NRXN2: variants seen among roughly 807,000 people sequenced by gnomAD.
The protein encoded by NRXN2 is neurexin 2, also known as neurexin-2-beta.
Under a neutral mutation model 128.8 loss-of-function variants are expected in NRXN2, and 29 were observed. The observed-to-expected ratio is 0.23, with a 90% confidence interval of 0.17 to 0.31. The LOEUF (loss-of-function observed/expected upper bound fraction) is 0.31, where lower values mean the gene tolerates loss of function less well. Among genes scored for constraint, NRXN2 ranks in the 10% least tolerant of loss-of-function variants. The pLI, the probability that NRXN2 is intolerant of heterozygous loss-of-function variation, is 1.00. For missense variants in NRXN2, 1,881 were observed against 2,452.6 expected (o/e 0.77, Z 4.92); for synonymous variants, 1,098 against 1,075.2 (o/e 1.02, Z -0.41).
intron 5 of NRXN2, among the ~76,000 whole-genome samples, chr11:64,687,332 T>G (rs1592119026): frequency 6.6e-6 from 1 of 151,692 alleles, no homozygotes; most frequent in South Asian, 2.1e-4. Context: ...AGTTTCGGAG[T>G]GCAGATTCTG....
chr11:64,700,541 G>A (rs750287701), intron 2 of NRXN2, among the ~76,000 whole-genome samples: 1 of 151,990 alleles, frequency 6.6e-6, no homozygotes, highest in African/African-American at 2.4e-5. Context: ...GTTATCTATC[G>A]ACTCTGTACA....
chr11:64,720,819 G>A (rs58483071), intron 1 of NRXN2, among the ~76,000 whole-genome samples: 23,985 of 152,082 alleles, frequency 0.16, 2,311 homozygotes, highest in East Asian at 0.35. Context: ...CACATGCTGT[G>A]TAGACCTGGG....
At chr11:64,681,109 A>AAAAAT (rs2052195344) in intron 6 of NRXN2, among the ~76,000 whole-genome samples, 1 of 148,878 alleles carries the variant, frequency 6.7e-6, no homozygotes, top group Non-Finnish European at 1.5e-5. Flanking sequence ...AAAAAAAAAA[A>AAAAAT]AAAAAGTAAA....
At chr11:64,615,954 G>C (rs2041440372) in intron 22 of NRXN2, among the ~76,000 whole-genome samples, 1 of 152,114 alleles carries the variant, frequency 6.6e-6, no homozygotes, top group African/African-American at 2.4e-5. Context: ...CTGTGAGTGT[G>C]AACCAGTATG....
chr11:64,676,570 AC>A, intron 7 of NRXN2: 1 of 202,042 alleles, frequency 4.9e-6, no homozygotes, highest in South Asian at 9.7e-5. Flanking sequence ...TTTTCAGGAG[AC>A]CAAGAAACTA....
rs756988907 is a variant in NRXN2 at position 64,650,625 on chromosome 11, C to T, written c.2932G>A (p.Val978Met). Residue 978 changes from valine (V) to methionine (M), a missense_variant, in exon 15 of 23, where the codon GTG becomes ATG. Transcript: ENST00000265459. ...IELVKGYIHY[V>M]FDLGNGPSLM... is the part of the protein sequence containing the mutation. ...GACGGGCCATTCCCCAGGTCAAACA[C>T]GTAGTGGATGTACCTGCCCCACAGT... is the stretch of plus-strand genomic sequence containing the variant. The T allele has an allele frequency of 3.1e-6, 5 of 1,613,908 alleles. No individual in the cohort carries two copies. Among genetic ancestry groups the T allele is most frequent in the Non-Finnish European group, 3.4e-6 (4 of 1,180,020 alleles).
rs568618223 is a variant in NRXN2, at chr11:64,631,522, C to T, written c.3586-949G>A. Reference sequence around the variant, plus strand: ...TGCCAGGCCCTGAGTGGGTACTGTACACGCATGCTCTCTTCCCTACACCAA... The same window carrying T: ...TGCCAGGCCCTGAGTGGGTACTGTATACGCATGCTCTCTTCCCTACACCAA... On this transcript the variant is annotated intron_variant, in intron 18 of 22. Coordinates refer to ENST00000265459, the MANE Select transcript of NRXN2 (RefSeq NM_015080.4). The surrounding 1 kb of genome is among the most constrained non-coding windows in gnomAD (Gnocchi z 4.8). Among the ~76,000 whole-genome samples, 24 of 152,136 alleles carry T rather than the reference C, an allele frequency of 1.6e-4. 1 individual carries two copies. The South Asian group carries it at 4.6e-3, about 29-fold the overall frequency.
At chr11:64,643,267 C>T (rs1057371295) in intron 17 of NRXN2, 2 of 975,788 alleles carry the variant, frequency 2.0e-6, no homozygotes, top group African/African-American at 1.9e-5. Flanking sequence ...CTGGTTCCCC[C>T]GAAGGCGGGA....
intron 22 of NRXN2, among the ~76,000 whole-genome samples, chr11:64,611,740 A>C (rs1349386595): frequency 6.6e-6 from 1 of 151,096 alleles, no homozygotes; most frequent in Non-Finnish European, 1.5e-5. Flanking sequence ...GCCTGCTCAC[A>C]TTGACCTCTT....
chr11:64,716,833 G>A (rs1301119952), intron 1 of NRXN2, among the ~76,000 whole-genome samples: 1 of 152,140 alleles, frequency 6.6e-6, no homozygotes, highest in Non-Finnish European at 1.5e-5. Context: ...ACGCTTGCCA[G>A]GTAGAGATGG....
chr11:64,606,260 A>G lies in NRXN2; in HGVS notation c.*936T>C, dbSNP rs1442834640. 6.6e-6 allele frequency: 1 copy of G among 152,540 alleles called. No individual in the cohort carries two copies. Among genetic ancestry groups the G allele is most frequent in the Non-Finnish European group, 1.5e-5 (1 of 68,036 alleles). 9.4% of individuals were successfully genotyped at this position (152,540 alleles called of 1,614,324 possible). On this transcript the variant is annotated 3_prime_UTR_variant, in exon 23 of 23. Transcript: ENST00000265459. ...CAAGACTCAGACACATTTGTTAACAAAGAGAGAAAAAAAACTGGGGGAGCA... is the reference window on the plus strand; with the variant it reads ...CAAGACTCAGACACATTTGTTAACAGAGAGAGAAAAAAAACTGGGGGAGCA...
intron 1 of NRXN2, among the ~76,000 whole-genome samples, chr11:64,720,883 A>G (rs1371207790): frequency 6.6e-6 from 1 of 152,032 alleles, no homozygotes; most frequent in East Asian, 1.9e-4. Context: ...AAGGTGTATG[A>G]GGAAGAAGCA....
At chr11:64,625,737 A>T (rs556607067) in intron 20 of NRXN2, among the ~76,000 whole-genome samples, 95 of 152,160 alleles carry the variant, frequency 6.2e-4, no homozygotes, top group Middle Eastern at 3.4e-3. Flanking sequence ...ACACCCAGCG[A>T]CACCTCACCA....
Position 64,648,226 on chromosome 11 carries a change from G to A in NRXN2, c.3396C>T (p.Cys1132=). The stretch of plus-strand genomic sequence containing the variant: ...GCCCTCCCAGGCACTCACGATCATT[G>A]CAGACAGGGCCTCCATAGGAAGTCA... ...CTMTSYGGPV[C]NDPGTTYIFG... is the part of the protein sequence containing the mutation. Residue 1132 remains cysteine (C), a synonymous_variant, in exon 17 of 23, where the codon TGC becomes TGT. Coordinates refer to ENST00000265459, the MANE Select transcript of NRXN2 (RefSeq NM_015080.4). The surrounding 1 kb of genome is among the most constrained non-coding windows in gnomAD (Gnocchi z 4.1). 3.1e-6 allele frequency: 5 copies of A among 1,614,174 alleles called. No homozygotes were observed. Among genetic ancestry groups the A allele is most frequent in the Non-Finnish European group, 4.2e-6 (5 of 1,180,036 alleles).
At chr11:64,722,484 G>A (rs566665850) in intron 1 of NRXN2, among the ~76,000 whole-genome samples, 3 of 151,568 alleles carry the variant, frequency 2.0e-5, no homozygotes, top group African/African-American at 7.3e-5. Context: ...CCCTCAGGAC[G>A]AAGCCCTTGG....
intron 2 of NRXN2, among the ~76,000 whole-genome samples, chr11:64,712,133 C>T (rs1216558740): frequency 6.6e-6 from 1 of 152,178 alleles, no homozygotes; most frequent in Non-Finnish European, 1.5e-5. Flanking sequence ...CTCGTAGGCC[C>T]TGCCCACACT....
Position 64,651,665 on chromosome 11 carries a change from G to A in NRXN2, c.2537-29C>T. 1 of 1,611,918 alleles carries A rather than the reference G, an allele frequency of 6.2e-7. No individual in the cohort carries two copies. On this transcript the variant is annotated intron_variant, in intron 13 of 22. Coordinates refer to ENST00000265459, the MANE Select transcript of NRXN2 (RefSeq NM_015080.4). The surrounding 1 kb of genome is among the most constrained non-coding windows in gnomAD (Gnocchi z 5.9). ...CTCAGGACAGGAGACCAAGATGAGG[G>A]GGATGGCTTTGGGGCAGGGCTGGGG...
In NRXN2 at chr11:64,635,247, A is replaced by C. The variant is rs1565240969; in HGVS notation, c.3585+24T>G. ...TTGGGAGCAGGAAGCTTGAGGTTGA[A>C]GGGTTGGGGCCCAGGGTCCTTACGA... is the stretch of plus-strand genomic sequence containing the variant. On this transcript the variant is annotated intron_variant, in intron 18 of 22. Transcript: ENST00000265459. This position sits in a 1 kb window ranked among gnomAD's most constrained non-coding sequence, Gnocchi z 4.8. 6.2e-7 allele frequency: 1 copy of C among 1,611,180 alleles called. No individual in the cohort carries two copies. The highest frequency in any genetic ancestry group is 2.2e-5 in the East Asian group (1 of 44,872).
At chr11:64,615,887 C>T (rs544447713) in intron 22 of NRXN2, among the ~76,000 whole-genome samples, 2 of 150,162 alleles carry the variant, frequency 1.3e-5, no homozygotes, top group Non-Finnish European at 3.0e-5. Context: ...TACCTCTGTA[C>T]AGGTCTAAGC....
Sources: gnomAD v4.1 joint callset for allele counts (sites outside exome capture counted in the v4.1 genomes callset) on GRCh38, gnomAD v4.1.1 for gene constraint, Gnocchi (gnomAD v3.1) non-coding constraint, MANE v1.5 for transcripts, NCBI Gene and HGNC (gene_info 2026-07-23, HGNC 2026-07-21) for gene names.